The following KLK14 variants were observed in gnomAD, a reference collection of about 807,000 sequenced individuals.
KLK14 encodes the protein kallikrein related peptidase 14.
A neutral mutation model predicts 24.6 loss-of-function variants in KLK14; 21 were observed. The ratio of observed to expected loss-of-function variants is 0.85; its 90% CI spans 0.61 to 1.23. The LOEUF is 1.23. Among genes scored for constraint, KLK14 ranks in the 50% most tolerant of loss-of-function variants. The pLI is 0.00. For missense variants in KLK14, 320 were observed against 338.9 expected, an observed-to-expected ratio of 0.94 and a Z score of 0.44; for synonymous variants, 133 against 139.7, an observed-to-expected ratio of 0.95 and a Z score of 0.34.
Position 51,077,916 on chromosome 19 carries a change from G to T in KLK14, c.*91C>A, listed in dbSNP as rs2091812673. ...TGGGGGCCTGGACTCCTGGGTCTGA[G>T]GGAGGAGGGGCTGGGGCCTGGACTC... is the stretch of plus-strand genomic sequence containing the variant. On this transcript the variant is annotated 3_prime_UTR_variant, in exon 6 of 6. Coordinates refer to ENST00000650543, the MANE Select transcript of KLK14 (RefSeq NM_001369775.2). 5 of 1,498,170 alleles carry T rather than the reference G, an allele frequency of 3.3e-6. No homozygotes were observed. In the Admixed American group the frequency reaches 9.3e-5, roughly 28 times the overall value. The allele number at this position is 1,498,170 out of a possible 1,614,324, so 92.8% of individuals were successfully genotyped here. A position where few individuals can be genotyped will look rare whatever the true frequency, so the allele number is the denominator to read the frequency against.
intron 2 of KLK14, 101 bp from the exon 3 acceptor site, chr19:51,081,804 T>A: frequency 8.4e-7 from 1 of 1,183,542 alleles, no homozygotes; most frequent in Non-Finnish European, 1.2e-6. Context: ...TTCCTTTTGG[T>A]CTAACCCCTA....
Position 51,081,683 on chromosome 19 carries a change from C to A in KLK14, c.61G>T (p.Asp21Tyr). The part of the protein sequence containing the change: ...LAIAMTQSQE[D>Y]ENKIIGGHTC... ...TGGCCACCAATTATCTTGTTCTCAT[C>A]CTCTTGGCTCTGTGTCATGGCTAGG... Residue 21 changes from aspartate (D) to tyrosine (Y), a missense_variant, in exon 3 of 6, where the codon GAT (aspartate) becomes TAT (tyrosine). Coordinates refer to ENST00000650543, the MANE Select transcript of KLK14 (RefSeq NM_001369775.2). 1 of 1,548,742 alleles carries A rather than the reference C, an allele frequency of 6.5e-7. No individual in the cohort carries two copies. Among genetic ancestry groups the A allele is most frequent in the Admixed American group, 2.0e-5 (1 of 50,738 alleles).
rs1349695129 is a variant in KLK14 at position 51,077,930 on chromosome 19, G to A, written c.*77C>T. On this transcript the variant is annotated 3_prime_UTR_variant, in exon 6 of 6. Transcript: ENST00000650543. ...CCTGGGTCTGAGGGAGGAGGGGCTG[G>A]GGCCTGGACTCCTGGGTCCTGAGTA... 3 of 1,554,740 alleles carry A rather than the reference G, an allele frequency of 1.9e-6. No individual in the cohort carries two copies. The highest frequency in any genetic ancestry group is 2.6e-6 in the Non-Finnish European group (3 of 1,142,424).
At chr19:51,077,622 A>T, downstream of KLK14, 1 of 178,576 alleles carries the variant, frequency 5.6e-6, no homozygotes, top group Non-Finnish European at 1.1e-5. Flanking sequence ...CCTGGGTCTC[A>T]AGGAGGAGGG....
At chr19:51,079,776 C>A in intron 3 of KLK14, 74 bp from the exon 4 acceptor site, 1 of 1,487,898 alleles carries the variant, frequency 6.7e-7, no homozygotes, top group Non-Finnish European at 8.9e-7. Flanking sequence ...CAGCCCGGTT[C>A]CCTGGCCGGG....
intron 3 of KLK14, among the ~76,000 whole-genome samples, chr19:51,081,032 C>G (rs2091836166): frequency 6.6e-6 from 1 of 152,254 alleles, no homozygotes; most frequent in South Asian, 2.1e-4. Context: ...AGACTAGACT[C>G]TGAACTAAAC....
At position 51,082,754 on chromosome 19, in the gene KLK14, A is replaced by T. The variant is rs751615132; in HGVS notation, c.-55T>A. 1.7e-5 allele frequency: 27 copies of T among 1,613,450 alleles called. No homozygotes were observed. The highest frequency in any genetic ancestry group is 2.2e-5 in the East Asian group (1 of 44,874). On this transcript the variant is annotated 5_prime_UTR_variant, in exon 1 of 6. Transcript: ENST00000650543. ...CCAAGACCCTCAGGGACATGAAGAC[A>T]CAGCAGAGAGGTAGGGACCAGAGAC...
At chr19:51,081,841 C>G in intron 2 of KLK14, 138 bp from the exon 3 acceptor site, 4 of 742,992 alleles carry the variant, frequency 5.4e-6, no homozygotes, top group Non-Finnish European at 8.3e-6. Flanking sequence ...CTGTCCCACC[C>G]AGGGTGAGAC....
upstream of KLK14, among the ~76,000 whole-genome samples, chr19:51,083,064 C>A (rs1387813314): frequency 6.6e-6 from 1 of 151,612 alleles, no homozygotes; most frequent in Non-Finnish European, 1.5e-5. Context: ...CACAATTGTT[C>A]ATGAGAACCC....
chr19:51,079,385 C>A, intron 4 of KLK14, 64 bp downstream of exon 4: 1 of 1,487,394 alleles, frequency 6.7e-7, no homozygotes. Flanking sequence ...CCCCCAGCTC[C>A]ACCTCCTGGA....
At position 51,079,607 on chromosome 19, in the gene KLK14, T is replaced by TA; in HGVS notation, c.307dup (p.Tyr103LeufsTer29). 2 of 1,613,528 alleles carry TA rather than the reference T, an allele frequency of 1.2e-6. No individual in the cohort carries two copies. The highest frequency in any genetic ancestry group is 1.7e-6 in the Non-Finnish European group (2 of 1,179,788). On this transcript the variant is annotated frameshift_variant, in exon 4 of 6. Coordinates refer to ENST00000650543, the MANE Select transcript of KLK14 (RefSeq NM_001369775.2). LOFTEE classifies it high-confidence loss of function. ...GTCGTTGTCGTGGGTCCGGGAGTTG[T>TA]AGTTGGGGTGCGTCACCTGACGAAC...
chr19:51,080,181 TA>T (rs2091831450), intron 3 of KLK14, among the ~76,000 whole-genome samples: 1 of 124,304 alleles, frequency 8.0e-6, no homozygotes, highest in Non-Finnish European at 1.7e-5. Flanking sequence ...TTTATTTATT[TA>T]TTTTTTTTTT....
At chr19:51,081,763 G>A in intron 2 of KLK14, 60 bp from the exon 3 acceptor site, 1 of 1,395,036 alleles carries the variant, frequency 7.2e-7, no homozygotes, top group Non-Finnish European at 9.5e-7. Context: ...CACTCCACAA[G>A]TTTGTAGGAT....
At chr19:51,083,277 G>GAGAGAGA (rs2091851581), upstream of KLK14, among the ~76,000 whole-genome samples, 1 of 122,102 alleles carries the variant, frequency 8.2e-6, no homozygotes. Context: ...CACGGGAGGA[G>GAGAGAGA]GGAGAGAGGG....
Position 51,081,686 on chromosome 19 carries a change from C to G in KLK14, c.58G>C (p.Glu20Gln), listed in dbSNP as rs747804132. 1 of 1,548,150 alleles carries G rather than the reference C, an allele frequency of 6.5e-7. No individual in the cohort carries two copies. Among genetic ancestry groups the G allele is most frequent in the Non-Finnish European group, 8.7e-7 (1 of 1,144,228 alleles). Residue 20 changes from glutamate to glutamine, a missense_variant, in exon 3 of 6, where the codon GAG becomes CAG. By Grantham distance (29) the Glu-to-Gln change is conservative. Coordinates refer to ENST00000650543, the MANE Select transcript of KLK14 (RefSeq NM_001369775.2). ...CCACCAATTATCTTGTTCTCATCCTCTTGGCTCTGTGTCATGGCTAGGAGT... is the reference window on the plus strand; with the variant it reads ...CCACCAATTATCTTGTTCTCATCCTGTTGGCTCTGTGTCATGGCTAGGAGT... ...VLAIAMTQSQ[E>Q]DENKIIGGHT...
At chr19:51,081,101 T>C (rs1349471476) in intron 3 of KLK14, among the ~76,000 whole-genome samples, 1 of 152,368 alleles carries the variant, frequency 6.6e-6, no homozygotes, top group East Asian at 1.9e-4. Context: ...ATGTTCCAGC[T>C]GTGAGCAGCG....
upstream of KLK14, chr19:51,082,953 G>A (rs554194750): frequency 2.9e-5 from 18 of 616,738 alleles, 1 homozygote; most frequent in South Asian, 1.9e-4. Context: ...CCCACCTCCC[G>A]CCGCCCTGCT....
chr19:51,080,227 T>C (rs888001151), intron 3 of KLK14, among the ~76,000 whole-genome samples: 9 of 152,084 alleles, frequency 5.9e-5, no homozygotes, highest in Non-Finnish European at 1.3e-4. Flanking sequence ...TAGGCTGGAG[T>C]GCAGTGGCAC....
At chr19:51,083,402 T>C (rs1344953280), upstream of KLK14, among the ~76,000 whole-genome samples, 10 of 54,492 alleles carry the variant, frequency 1.8e-4, no homozygotes, top group Non-Finnish European at 3.4e-4. Flanking sequence ...GAGAGAGAGA[T>C]GGAGAGAGAG....
Sources: allele counts gnomAD v4.1 joint callset (sites outside exome capture counted in the v4.1 genomes callset), GRCh38; gene constraint gnomAD v4.1.1; transcripts MANE v1.5; gene names NCBI Gene and HGNC (gene_info 2026-07-23, HGNC 2026-07-21).